Variants in PLA2G4B observed in about 807,000 individuals in gnomAD.
The protein encoded by PLA2G4B is cytosolic phospholipase A2 beta.
A neutral mutation model predicts 95.8 loss-of-function variants in PLA2G4B; 122 were observed. The ratio of observed to expected loss-of-function variants is 1.27; its 90% CI spans 1.10 to 1.48. The LOEUF is 1.48. Ranked by LOEUF, PLA2G4B falls within the 40% of genes most tolerant of loss-of-function variation. The pLI, the probability that PLA2G4B is intolerant of heterozygous loss-of-function variation, is 0.00. For synonymous variants in PLA2G4B, 518 were observed against 421.5 expected (o/e 1.23, Z -2.80); for missense variants, 1,158 against 996.2 (o/e 1.16, Z -2.19).
intron 9 of PLA2G4B, 113 bp from the exon 10 acceptor site, chr15:41,842,441 C>G: frequency 1.9e-6 from 3 of 1,568,962 alleles, no homozygotes; most frequent in Non-Finnish European, 2.6e-6. Flanking sequence ...TCAGGCCTGG[C>G]GCCTGTGGAG....
rs146188819 is a variant in PLA2G4B, at chr15:41,846,824, G to A, written c.1936G>A (p.Gly646Arg). 1.6e-5 allele frequency: 26 copies of A among 1,610,892 alleles called. No individual in the cohort carries two copies. Among genetic ancestry groups the A allele is most frequent in the African/African-American group, 5.3e-5 (4 of 74,876 alleles). ...LILSLDYNLHGAFQQLQLLGR... is the reference protein window; with the variant it reads ...LILSLDYNLHRAFQQLQLLGR... The stretch of plus-strand genomic sequence containing the variant: ...CCTGTCATTGGACTACAACCTCCAC[G>A]GAGCCTTCCAGGTTGGGAAGGGTGG... Residue 646 changes from glycine to arginine, a missense_variant, in exon 18 of 20, where the codon GGA (glycine) becomes AGA (arginine). By Grantham distance (125) the Gly-to-Arg change is moderately radical (BLOSUM62 -2). Transcript: ENST00000458483.
rs140363135 is a variant in PLA2G4B, at chr15:41,844,534, C to T, written c.943C>T (p.Gln315Ter). The T allele has an allele frequency of 2.5e-6, 4 of 1,614,050 alleles. No homozygotes were observed. In the African/African-American group the frequency reaches 4.0e-5, roughly 16 times the overall value. Reference sequence around the variant, plus strand: ...CCGGGCAATGACTTCCCTGTATGGGCAGCTGGCTGGCCTGAAGGAGCTGGG... The same window carrying T: ...CCGGGCAATGACTTCCCTGTATGGGTAGCTGGCTGGCCTGAAGGAGCTGGG... ...GIRAMTSLYG[Q>*]LAGLKELGLL... The change falls in exon 12 of 20, where the codon CAG (glutamine) becomes TAG (stop). Residue 315 changes from glutamine (Q) to a stop codon, truncating the protein, a stop_gained. Transcript: ENST00000458483. LOFTEE classifies it high-confidence loss of function.
intron 18 of PLA2G4B, among the ~76,000 whole-genome samples, 167 bp from the exon 19 acceptor site, chr15:41,847,170 C>G (rs530078803): frequency 1.4e-5 from 2 of 140,044 alleles, no homozygotes; most frequent in Non-Finnish European, 3.1e-5. Flanking sequence ...GAGCTGCCAC[C>G]GAGGCCTGTC....
chr15:41,845,267 T>C lies in PLA2G4B; in HGVS notation c.1304T>C (p.Ile435Thr), dbSNP rs1476638022. The C allele has an allele frequency of 6.2e-7, 1 of 1,614,162 alleles. No homozygotes were observed. Among genetic ancestry groups the C allele is most frequent in the South Asian group, 1.1e-5 (1 of 91,076 alleles). Reference protein sequence around the residue: ...ALSHGQNPLPIYCALNTKGQS... With the variant: ...ALSHGQNPLPTYCALNTKGQS... ...AGTCATGGCCAGAACCCTCTGCCCA[T>C]CTACTGTGCCCTCAACACCAAAGGG... Residue 435 changes from isoleucine (I) to threonine (T), a missense_variant, in exon 14 of 20, where the codon ATC becomes ACC. By Grantham distance (89) the Ile-to-Thr change is moderately conservative (BLOSUM62 -1). Transcript: ENST00000458483.
At position 41,846,070 on chromosome 15, in the gene PLA2G4B, A is replaced by G. The variant is rs775624016; in HGVS notation, c.1600+23A>G. On this transcript the variant is annotated intron_variant, in intron 16 of 19. Coordinates refer to ENST00000458483, the MANE Select transcript of PLA2G4B (RefSeq NM_001114633.2). ...TGGGTAAGTGCTCCGGGCCCTTCAT[A>G]AGGGTGCCAAGGGGCAGCCAGCTGG... 3.8e-6 allele frequency: 6 copies of G among 1,569,620 alleles called. No individual in the cohort carries two copies. The Admixed American group carries it at 9.2e-5, about 24-fold the overall frequency.
chr15:41,840,500 C>T, intron 2 of PLA2G4B, 24 bp from the exon 3 acceptor site: 1 of 1,613,266 alleles, frequency 6.2e-7, no homozygotes, highest in Non-Finnish European at 8.5e-7. Flanking sequence ...TTGTCCACCG[C>T]TGGGCACTTG....
chr15:41,842,769 C>T, intron 10 of PLA2G4B, 178 bp downstream of exon 10: 3 of 965,602 alleles, frequency 3.1e-6, no homozygotes, highest in Non-Finnish European at 4.4e-6. Flanking sequence ...TGGGAGGAGT[C>T]TTAGCACCTA....
Position 41,842,610 on chromosome 15 carries a change from G to A in PLA2G4B, c.743+19G>A, listed in dbSNP as rs200496005. ...AAGCAGGGTGAGAGGCCTGGCTGGG[G>A]ACTGGGCAAGGCCCTGGAAAACAAC... On this transcript the variant is annotated intron_variant, in intron 10 of 19. Transcript: ENST00000458483. 3 of 1,608,688 alleles carry A rather than the reference G, an allele frequency of 1.9e-6. No individual in the cohort carries two copies. Among genetic ancestry groups the A allele is most frequent in the Non-Finnish European group, 1.7e-6 (2 of 1,178,428 alleles).
chr15:41,844,601 C>T lies in PLA2G4B; in HGVS notation c.1010C>T (p.Ser337Phe), dbSNP rs200609025. ...CVSYITGASGSTWALANLYED... is the reference protein window; with the variant it reads ...CVSYITGASGFTWALANLYED... ...TCCTACATCACCGGGGCCTCGGGCT[C>T]CACCTGGTGAGCTGGGGGCAGGCTG... The change falls in exon 12 of 20, where the codon TCC becomes TTC. Residue 337 changes from serine to phenylalanine, a missense_variant. Transcript: ENST00000458483. 5 of 1,614,102 alleles carry T rather than the reference C, an allele frequency of 3.1e-6. No homozygotes were observed. The African/African-American group carries it at 4.0e-5, about 13-fold the overall frequency.
intron 13 of PLA2G4B, 41 bp from the exon 14 acceptor site, chr15:41,845,162 C>A: frequency 6.2e-7 from 1 of 1,612,738 alleles, no homozygotes; most frequent in Admixed American, 1.7e-5. Flanking sequence ...CCCTGGGCAC[C>A]CAGGCCGCTG....
At chr15:41,840,033 T>TG in intron 1 of PLA2G4B, 125 bp from the exon 2 acceptor site, 1 of 1,024,384 alleles carries the variant, frequency 9.8e-7, no homozygotes, top group Non-Finnish European at 1.4e-6. Flanking sequence ...AGGATTCTGA[T>TG]GAGATGGAGG....
intron 17 of PLA2G4B, 80 bp from the exon 18 acceptor site, chr15:41,846,589 A>G (rs1201164021): frequency 6.5e-7 from 1 of 1,536,630 alleles, no homozygotes; most frequent in Non-Finnish European, 8.8e-7. Flanking sequence ...AGCAGGGACC[A>G]GAGGCCAGAG....
chr15:41,841,260 A>G lies in PLA2G4B; in HGVS notation c.422A>G (p.Asn141Ser). The change falls in exon 6 of 20, where the codon AAT becomes AGT. Residue 141 changes from asparagine (N) to serine (S), a missense_variant. By Grantham distance (46) the Asn-to-Ser change is conservative. Coordinates refer to ENST00000458483, the MANE Select transcript of PLA2G4B (RefSeq NM_001114633.2). ...GACCGTGGCGAGTGGCTCGTCAGCA[A>G]TGGCGTTCTGGTGGTGAGTGTGCCA... ...LADRGEWLVS[N>S]GVLVARELSC... 2 of 1,613,072 alleles carry G rather than the reference A, an allele frequency of 1.2e-6. No individual in the cohort carries two copies. The highest frequency in any genetic ancestry group is 1.7e-6 in the Non-Finnish European group (2 of 1,179,976).
Position 41,842,201 on chromosome 15 carries a change from C to T in PLA2G4B, c.630C>T (p.Pro210=), listed in dbSNP as rs35072927. Residue 210 remains proline, a synonymous_variant, in exon 9 of 20, where the codon CCC becomes CCT. Coordinates refer to ENST00000458483, the MANE Select transcript of PLA2G4B (RefSeq NM_001114633.2). ...TTCTTTGTCCCCTGCAGGATGCCCC[C>T]GAGGAGCAACTAAAGGCGCCACTGA... ...QELSIRLQDA[P]EEQLKAPLSA... is the part of the protein sequence containing the mutation. 1.9e-5 allele frequency: 31 copies of T among 1,613,860 alleles called. No individual in the cohort carries two copies. The highest frequency in any genetic ancestry group is 4.5e-5 in the East Asian group (2 of 44,896).
chr15:41,842,437 C>T, intron 9 of PLA2G4B, 117 bp from the exon 10 acceptor site: 7 of 1,567,128 alleles, frequency 4.5e-6, no homozygotes, highest in Non-Finnish European at 6.0e-6. Flanking sequence ...TGCTTCAGGC[C>T]TGGCGCCTGT....
At position 41,841,578 on chromosome 15, in the gene PLA2G4B, C is replaced by A; in HGVS notation, c.490+7C>A. The stretch of plus-strand genomic sequence containing the variant: ...GAGACAGGAGACCAGAAGTGTGAGT[C>A]CCCAACCCACTGGGACAGCCCCTGG... On this transcript the variant is annotated splice_region_variant and intron_variant, in intron 7 of 19. Coordinates refer to ENST00000458483, the MANE Select transcript of PLA2G4B (RefSeq NM_001114633.2). 1.9e-6 allele frequency: 3 copies of A among 1,613,968 alleles called. No individual in the cohort carries two copies. The highest frequency in any genetic ancestry group is 3.3e-4 in the Middle Eastern group (2 of 6,062).
At chr15:41,841,463 G>A (rs2065430832) in intron 6 of PLA2G4B, 54 bp from the exon 7 acceptor site, 1 of 1,613,260 alleles carries the variant, frequency 6.2e-7, no homozygotes, top group Admixed American at 1.7e-5. Flanking sequence ...GCGAGGGTGG[G>A]GTCCCTGAAT....
At chr15:41,841,197 C>T in intron 5 of PLA2G4B, 34 bp from the exon 6 acceptor site, 2 of 1,613,980 alleles carry the variant, frequency 1.2e-6, no homozygotes, top group Non-Finnish European at 1.7e-6. Flanking sequence ...GGAACCTGGA[C>T]TCCTGCTAAG....
chr15:41,840,558 G>A lies in PLA2G4B; in HGVS notation c.117G>A (p.Leu39=). The change falls in exon 3 of 20, where the codon CTG becomes CTA. Residue 39 remains leucine, a synonymous_variant. Transcript: ENST00000458483. ...CTGACTGCTACGTGACTCTCTGGCT[G>A]CCCACGGCCTGCAGCCACAGGCTCC... is the stretch of plus-strand genomic sequence containing the variant. The part of the protein sequence containing the change: ...TPSDCYVTLW[L]PTACSHRLQT... 2 of 1,613,876 alleles carry A rather than the reference G, an allele frequency of 1.2e-6. No homozygotes were observed. The highest frequency in any genetic ancestry group is 8.5e-7 in the Non-Finnish European group (1 of 1,180,016).
Sources: gnomAD v4.1 joint callset for allele counts (sites outside exome capture counted in the v4.1 genomes callset) on GRCh38, gnomAD v4.1.1 for gene constraint, MANE v1.5 for transcripts, NCBI Gene and HGNC (gene_info 2026-07-23, HGNC 2026-07-21) for gene names.